DOCK8: variants seen among roughly 807,000 people sequenced by gnomAD.
The protein encoded by DOCK8 is dedicator of cytokinesis 8, also known as dedicator of cytokinesis protein 8.
In DOCK8, 141 loss-of-function variants were observed where a neutral mutation model predicts 245.6. The ratio of observed to expected loss-of-function variants is 0.57; its 90% CI spans 0.50 to 0.66. The LOEUF (loss-of-function observed/expected upper bound fraction) is 0.66, where lower values mean the gene tolerates loss of function less well. Ranked by LOEUF, DOCK8 falls within the 30% of genes least tolerant of loss-of-function variation. The probability of loss-of-function intolerance (pLI) is 0.00; values close to 1 mark genes in which losing one functional copy is unlikely to be tolerated. For missense variants in DOCK8, 2,965 were observed against 2,603.4 expected (o/e 1.14, Z -3.02); for synonymous variants, 1,168 against 970.2 (o/e 1.20, Z -3.79).
At chr9:281,730 T>C (rs1381157628) in intron 2 of DOCK8, among the ~76,000 whole-genome samples, 2 of 152,164 alleles carry the variant, frequency 1.3e-5, no homozygotes, top group Non-Finnish European at 2.9e-5. Flanking sequence ...AGAACAGAAA[T>C]CTTTTTTAGT....
intron 14 of DOCK8, among the ~76,000 whole-genome samples, chr9:358,511 T>C (rs1275657986): frequency 6.6e-6 from 1 of 152,228 alleles, no homozygotes; most frequent in Non-Finnish European, 1.5e-5. Context: ...GTAAGGTTAA[T>C]ATGTACACAG....
At position 254,183 on chromosome 9, in the gene DOCK8, C is replaced by G. The variant is rs143355735; in HGVS notation, c.54-17444C>G. ...AATTTGCAAACCCATGGTAGGCATA[C>G]AGGTGGCTGAAGAAGAATCGGGACA... On this transcript the variant is annotated intron_variant, in intron 1 of 47. Coordinates refer to ENST00000432829, the MANE Select transcript of DOCK8 (RefSeq NM_203447.4). Among the ~76,000 whole-genome samples the G allele has an allele frequency of 3.3e-3, 507 of 152,304 alleles. 2 individuals carry two copies. Among genetic ancestry groups the G allele is most frequent in the African/African-American group, 0.012 (484 of 41,570 alleles).
chr9:255,178 G>A (rs1210122572), intron 1 of DOCK8, among the ~76,000 whole-genome samples: 4 of 152,146 alleles, frequency 2.6e-5, no homozygotes, highest in Admixed American at 2.6e-4. Context: ...TTTCATATAT[G>A]TGCCCAATTA....
intron 31 of DOCK8, 54 bp downstream of exon 31, chr9:420,637 C>T: frequency 1.2e-6 from 2 of 1,605,852 alleles, no homozygotes; most frequent in South Asian, 1.1e-5. Context: ...AATTGCAATT[C>T]TGTCTTCTTA....
chr9:401,092 C>G (rs995098932), intron 26 of DOCK8, among the ~76,000 whole-genome samples: 1 of 151,198 alleles, frequency 6.6e-6, no homozygotes, highest in Non-Finnish European at 1.5e-5. Flanking sequence ...CCACCTCCAC[C>G]ACCATCACCA....
chr9:391,168 C>T (rs780268675), intron 24 of DOCK8, among the ~76,000 whole-genome samples: 1 of 152,180 alleles, frequency 6.6e-6, no homozygotes, highest in Non-Finnish European at 1.5e-5. Flanking sequence ...CTCCGCACCC[C>T]CAACACACAC....
intron 18 of DOCK8, among the ~76,000 whole-genome samples, chr9:373,166 C>A (rs2053374098): frequency 6.6e-6 from 1 of 152,012 alleles, no homozygotes; most frequent in Non-Finnish European, 1.5e-5. Flanking sequence ...GACTCCATCT[C>A]AAAATAAATA....
chr9:341,771 A>G lies in DOCK8; in HGVS notation c.1679+1450A>G, dbSNP rs75779329. On this transcript the variant is annotated intron_variant, in intron 14 of 47. Coordinates refer to ENST00000432829, the MANE Select transcript of DOCK8 (RefSeq NM_203447.4). ...CTTGGCCTGTTAGGAACCAGGCTGC[A>G]TGGCAGGAGGTGAGCATCGGGTGAG... Among the ~76,000 whole-genome samples the G allele has an allele frequency of 7.9e-4, 121 of 152,314 alleles. 4 individuals carry two copies. The East Asian group carries it at 0.022, about 27-fold the overall frequency.
At chr9:413,435 G>T (rs1017217602) in intron 28 of DOCK8, among the ~76,000 whole-genome samples, 1 of 151,976 alleles carries the variant, frequency 6.6e-6, no homozygotes, top group African/African-American at 2.4e-5. Context: ...AAACTTTTGT[G>T]ATTTATAGGA....
intron 5 of DOCK8, among the ~76,000 whole-genome samples, chr9:306,388 T>C (rs888084471): frequency 6.6e-6 from 1 of 152,212 alleles, no homozygotes; most frequent in African/African-American, 2.4e-5. Context: ...TTTTCATCAG[T>C]AATTTTGACT....
chr9:457,564 C>T (rs572531507), intron 46 of DOCK8, among the ~76,000 whole-genome samples: 6 of 152,286 alleles, frequency 3.9e-5, no homozygotes, highest in South Asian at 2.1e-4. Flanking sequence ...TCATAAGACA[C>T]AGTGATGCTG....
At chr9:313,436 A>G (rs1459359292) in intron 6 of DOCK8, among the ~76,000 whole-genome samples, 2 of 152,158 alleles carry the variant, frequency 1.3e-5, no homozygotes, top group Admixed American at 6.5e-5. Flanking sequence ...CTGATTTTCT[A>G]AGCACCTTGG....
chr9:303,139 A>G (rs1700449483), intron 4 of DOCK8, among the ~76,000 whole-genome samples: 1 of 151,964 alleles, frequency 6.6e-6, no homozygotes, highest in African/African-American at 2.4e-5. Flanking sequence ...CATCCTGGGT[A>G]GCAGAACGAG....
In DOCK8 at chr9:247,993, A is replaced by AG. The variant is rs1468901066; in HGVS notation, c.54-23634_54-23633insG. Among the ~76,000 whole-genome samples the AG allele has an allele frequency of 4.6e-5, 7 of 151,986 alleles. No individual in the cohort carries two copies. The South Asian group carries it at 1.5e-3, about 32-fold the overall frequency. ...GATCTTCTCTAAGTTAAAAAAAAAA[A>AG]AAAGAAACAAAGTTGAGTAAACAAG... is the stretch of plus-strand genomic sequence containing the variant. On this transcript the variant is annotated intron_variant, in intron 1 of 47. Transcript: ENST00000432829.
chr9:211,961 T>C (rs2046626287), upstream of DOCK8, among the ~76,000 whole-genome samples: 1 of 152,156 alleles, frequency 6.6e-6, no homozygotes, highest in Non-Finnish European at 1.5e-5. Context: ...TGGAGAATTT[T>C]AGTTTTATAC....
chr9:444,607 C>T lies in DOCK8; in HGVS notation c.5580+1091C>T, dbSNP rs141174307. On this transcript the variant is annotated intron_variant, in intron 43 of 47. Coordinates refer to ENST00000432829, the MANE Select transcript of DOCK8 (RefSeq NM_203447.4). ...GGCAAATTGAATACAGTCTCCAGCC[C>T]CTCTCCTGTCTCCAGAGGTCATCCA... 1.1e-4 allele frequency among the ~76,000 whole-genome samples: 16 copies of T among 152,204 alleles called. No homozygotes were observed. In the East Asian group the frequency reaches 3.1e-3, roughly 29 times the overall value.
intron 23 of DOCK8, 34 bp downstream of exon 23, chr9:386,460 G>T (rs761618769): frequency 8.2e-6 from 13 of 1,581,254 alleles, no homozygotes; most frequent in South Asian, 2.2e-5. Context: ...TTCATCCCAG[G>T]ATAAGAACAG....
chr9:311,974 C>G lies in DOCK8; in HGVS notation c.549C>G (p.Asn183Lys), dbSNP rs752184508. The change falls in exon 6 of 48, where the codon AAC (asparagine) becomes AAG (lysine). Residue 183 changes from asparagine to lysine, a missense_variant. Around this residue, in one of 3 missense-constraint regions of DOCK8, gnomAD observed 2,825 missense variants for 2,453.5 expected, o/e 1.15. Transcript: ENST00000432829. ...CACAGGCAGGCCCCCGCCACTTAAACGTGCTGTGCGACGTGTCTGGGAAAG... is the reference window on the plus strand; with the variant it reads ...CACAGGCAGGCCCCCGCCACTTAAAGGTGCTGTGCGACGTGTCTGGGAAAG... Reference protein sequence around the residue: ...PAAQAGPRHLNVLCDVSGKGP... With the variant: ...PAAQAGPRHLKVLCDVSGKGP... The G allele has an allele frequency of 6.2e-7, 1 of 1,613,970 alleles. No homozygotes were observed. Among genetic ancestry groups the G allele is most frequent in the African/African-American group, 1.3e-5 (1 of 74,934 alleles).
chr9:311,285 T>TAAA (rs57814753), intron 5 of DOCK8, among the ~76,000 whole-genome samples: 30,137 of 141,458 alleles, frequency 0.21, 3,326 homozygotes, highest in Admixed American at 0.32. Context: ...ACTCGGTCTT[T>TAAA]AAAAAAAAAA....
Sources: gnomAD v4.1 joint callset for allele counts (sites outside exome capture counted in the v4.1 genomes callset) on GRCh38, gnomAD v4.1.1 for gene constraint, gnomAD v4.1.1 regional missense constraint, MANE v1.5 for transcripts, NCBI Gene and HGNC (gene_info 2026-07-23, HGNC 2026-07-21) for gene names.